Variants in PHLDB2 observed in about 807,000 individuals in gnomAD.
The protein encoded by PHLDB2 is pleckstrin homology-like domain family B member 2.
In PHLDB2, 71 loss-of-function variants were observed where a neutral mutation model predicts 123.6. The observed-to-expected ratio is 0.57, with a 90% CI of 0.47 to 0.70. The LOEUF (loss-of-function observed/expected upper bound fraction) is 0.70, where lower values mean the gene tolerates loss of function less well. PHLDB2 is among the 30% of genes least tolerant of loss of function. The pLI, the probability that PHLDB2 is intolerant of heterozygous loss-of-function variation, is 0.00. For synonymous variants in PHLDB2, 547 were observed against 541.6 expected (o/e 1.01, Z -0.14); for missense variants, 1,446 against 1,519.5 (o/e 0.95, Z 0.80).
At chr3:111,879,425 A>G (rs1415563617) in intron 1 of PHLDB2, among the ~76,000 whole-genome samples, 2 of 152,122 alleles carry the variant, frequency 1.3e-5, no homozygotes, top group East Asian at 3.9e-4. Flanking sequence ...TATATTTACT[A>G]TTTATTAAGT....
intron 1 of PHLDB2, among the ~76,000 whole-genome samples, chr3:111,826,983 T>C (rs1201410780): frequency 6.6e-6 from 1 of 152,220 alleles, no homozygotes; most frequent in African/African-American, 2.4e-5. Context: ...GTTCTTGCTA[T>C]GAACTGCAGT....
At chr3:111,896,642 C>A (rs1037520007) in intron 2 of PHLDB2, among the ~76,000 whole-genome samples, 1 of 152,056 alleles carries the variant, frequency 6.6e-6, no homozygotes, top group Middle Eastern at 3.4e-3. Flanking sequence ...TGAGCCACCG[C>A]GTCCAGGCTG....
At chr3:111,926,370 T>A (rs1342198518) in intron 5 of PHLDB2, among the ~76,000 whole-genome samples, 2 of 152,214 alleles carry the variant, frequency 1.3e-5, no homozygotes, top group Non-Finnish European at 2.9e-5. Flanking sequence ...AAAGTGTTAA[T>A]ACCTCTTGAG....
upstream of PHLDB2, among the ~76,000 whole-genome samples, chr3:111,858,468 A>G (rs1378301868): frequency 6.6e-6 from 1 of 152,174 alleles, no homozygotes; most frequent in Non-Finnish European, 1.5e-5. Context: ...CTTAAAGTAT[A>G]ATTAAAAAAG....
chr3:111,958,267 G>A, intron 12 of PHLDB2: 3 of 989,122 alleles, frequency 3.0e-6, no homozygotes, highest in Non-Finnish European at 3.6e-6. Flanking sequence ...GCTGTGGACT[G>A]TCATTAGGAA....
At chr3:111,802,120 C>G (rs1230645309) in intron 1 of PHLDB2, among the ~76,000 whole-genome samples, 2 of 152,172 alleles carry the variant, frequency 1.3e-5, no homozygotes, top group Non-Finnish European at 2.9e-5. Context: ...GATGATTATG[C>G]ATCTAACATC....
chr3:111,736,311 GA>G (rs1451334336), intron 1 of PHLDB2, among the ~76,000 whole-genome samples: 8 of 152,174 alleles, frequency 5.3e-5, no homozygotes, highest in Non-Finnish European at 1.2e-4. Context: ...ATTTTACCAA[GA>G]TTTTTTTAAA....
At chr3:111,943,676 A>G (rs997851369) in intron 8 of PHLDB2, among the ~76,000 whole-genome samples, 1 of 152,228 alleles carries the variant, frequency 6.6e-6, no homozygotes, top group African/African-American at 2.4e-5. Context: ...GGCAATATGA[A>G]TTAGAACAAC....
intron 1 of PHLDB2, among the ~76,000 whole-genome samples, chr3:111,814,568 T>C (rs1196531837): frequency 6.6e-6 from 1 of 151,544 alleles, no homozygotes; most frequent in African/African-American, 2.4e-5. Flanking sequence ...GTTTTCTACA[T>C]AGATGTCTGC....
intron 2 of PHLDB2, among the ~76,000 whole-genome samples, chr3:111,893,013 T>G (rs1371585011): frequency 6.6e-6 from 1 of 152,218 alleles, no homozygotes; most frequent in African/African-American, 2.4e-5. Context: ...GTGAGCGTTG[T>G]CAGGTCAAAG....
chr3:111,806,443 C>T (rs1576670850), intron 1 of PHLDB2, among the ~76,000 whole-genome samples: 1 of 151,594 alleles, frequency 6.6e-6, no homozygotes, highest in East Asian at 1.9e-4. Context: ...CTGTGACTGG[C>T]TTCTTTCTTG....
chr3:111,829,957 C>CAT (rs2062862436), intron 1 of PHLDB2, among the ~76,000 whole-genome samples: 2 of 145,176 alleles, frequency 1.4e-5, no homozygotes, highest in Admixed American at 1.4e-4. Flanking sequence ...CACACACACA[C>CAT]ACACACACAC....
At chr3:111,857,381 G>A (rs1011037759), upstream of PHLDB2, among the ~76,000 whole-genome samples, 4 of 150,552 alleles carry the variant, frequency 2.7e-5, no homozygotes, top group African/African-American at 9.8e-5. Context: ...AGCCCAGGAG[G>A]TTAAGGCTGC....
At chr3:111,836,587 CG>C (rs1446529302) in intron 1 of PHLDB2, among the ~76,000 whole-genome samples, 1 of 152,006 alleles carries the variant, frequency 6.6e-6, no homozygotes, top group Admixed American at 6.6e-5. Context: ...CAAAGAATCT[CG>C]TATTAGTCCA....
At chr3:111,827,436 G>C (rs1166494677) in intron 1 of PHLDB2, among the ~76,000 whole-genome samples, 1 of 152,068 alleles carries the variant, frequency 6.6e-6, no homozygotes, top group Non-Finnish European at 1.5e-5. Flanking sequence ...AGCACTTTGG[G>C]AGGCCCAGGT....
At chr3:111,771,805 G>A (rs1340601683) in intron 1 of PHLDB2, among the ~76,000 whole-genome samples, 1 of 152,144 alleles carries the variant, frequency 6.6e-6, no homozygotes, top group African/African-American at 2.4e-5. Flanking sequence ...CACATTCACA[G>A]GTACTGGAGG....
At chr3:111,920,253 C>T in intron 4 of PHLDB2, 29 bp from the exon 5 acceptor site, 1 of 1,600,244 alleles carries the variant, frequency 6.2e-7, no homozygotes, top group Non-Finnish European at 8.5e-7. Flanking sequence ...AAAGGTGAAA[C>T]ACTTCTGAGC....
At chr3:111,898,594 A>C (rs1022852239) in intron 2 of PHLDB2, among the ~76,000 whole-genome samples, 3 of 152,214 alleles carry the variant, frequency 2.0e-5, no homozygotes, top group Non-Finnish European at 4.4e-5. Flanking sequence ...CTTTACCCAC[A>C]GTAGAACTTT....
intron 1 of PHLDB2, among the ~76,000 whole-genome samples, chr3:111,802,030 A>G (rs975216745): frequency 4.6e-5 from 7 of 152,236 alleles, no homozygotes; most frequent in Admixed American, 2.0e-4. Flanking sequence ...TTCTATCTCA[A>G]TTTTTAGAAT....
Sources: gnomAD v4.1 joint callset for allele counts (sites outside exome capture counted in the v4.1 genomes callset) on GRCh38, gnomAD v4.1.1 for gene constraint, MANE v1.5 for transcripts, NCBI Gene and HGNC (gene_info 2026-07-23, HGNC 2026-07-21) for gene names.